The following ATP2C2 variants were observed in gnomAD, a reference collection of about 807,000 sequenced individuals.
ATP2C2 encodes calcium-transporting ATPase type 2C member 2.
In ATP2C2, 171 loss-of-function variants were observed where a neutral mutation model predicts 110.8. That is an observed-to-expected ratio of 1.54 (90% CI 1.36 to 1.75). The LOEUF (loss-of-function observed/expected upper bound fraction) is 1.75. Ranked by LOEUF, ATP2C2 falls within the 40% of genes most tolerant of loss-of-function variation. The pLI is 0.00. For synonymous variants in ATP2C2, 804 were observed against 508.4 expected, an observed-to-expected ratio of 1.58 and a Z score of -7.82; for missense variants, 1,963 against 1,235.0, an observed-to-expected ratio of 1.59 and a Z score of -8.84.
chr16:84,439,747 T>C (rs1909075259), intron 13 of ATP2C2, among the ~76,000 whole-genome samples: 1 of 152,244 alleles, frequency 6.6e-6, no homozygotes. Context: ...AGTTACTTAT[T>C]AATTATAAGC....
In ATP2C2 at chr16:84,423,252, T is replaced by C; in HGVS notation, c.908T>C (p.Phe303Ser). ...RLGKQLTLFS[F>S]GIIGLIMLIG... ...GGAAAGCAACTGACACTCTTCTCCT[T>C]TGGCATAATCGGTGAGTGAAGCAGT... is the stretch of plus-strand genomic sequence containing the variant. The change falls in exon 10 of 27, where the codon TTT becomes TCT. Residue 303 changes from phenylalanine (F) to serine (S), a missense_variant. By Grantham distance (155) the Phe-to-Ser change is radical. Coordinates refer to ENST00000262429, the MANE Select transcript of ATP2C2 (RefSeq NM_014861.4). 1.2e-6 allele frequency: 2 copies of C among 1,614,030 alleles called. No homozygotes were observed. Among genetic ancestry groups the C allele is most frequent in the Non-Finnish European group, 1.7e-6 (2 of 1,179,892 alleles).
intron 10 of ATP2C2, among the ~76,000 whole-genome samples, 188 bp from the exon 11 acceptor site, chr16:84,425,547 G>T (rs964945241): frequency 6.6e-6 from 1 of 152,116 alleles, no homozygotes; most frequent in Non-Finnish European, 1.5e-5. Context: ...AAGTAAAATC[G>T]GGTTTTTGTA....
chr16:84,430,138 G>A (rs574761078), intron 11 of ATP2C2, among the ~76,000 whole-genome samples: 17 of 152,170 alleles, frequency 1.1e-4, no homozygotes, highest in Admixed American at 2.0e-4. Context: ...TCACATTCAC[G>A]TGTACCAGGA....
chr16:84,412,559 T>C (rs62050868), intron 6 of ATP2C2, among the ~76,000 whole-genome samples: 2 of 42,066 alleles, frequency 4.8e-5, no homozygotes, highest in East Asian at 4.6e-4. Flanking sequence ...TGTGTGTGTG[T>C]GTGTGTGTGT....
At chr16:84,441,094 A>C in intron 14 of ATP2C2, 136 bp downstream of exon 14, 1 of 756,206 alleles carries the variant, frequency 1.3e-6, no homozygotes, top group South Asian at 1.7e-5. Context: ...AGGCTGGCAC[A>C]GCACTGAAAA....
At chr16:84,375,212 G>A (rs1264292738) in intron 1 of ATP2C2, among the ~76,000 whole-genome samples, 2 of 152,248 alleles carry the variant, frequency 1.3e-5, no homozygotes, top group Non-Finnish European at 2.9e-5. Flanking sequence ...TAATGACACA[G>A]TGGACGGCTA....
intron 20 of ATP2C2, 140 bp downstream of exon 20, chr16:84,453,511 C>G: frequency 8.7e-7 from 1 of 1,154,154 alleles, no homozygotes. Flanking sequence ...GCAGCTGCCC[C>G]GGGAGTTACC....
intron 7 of ATP2C2, among the ~76,000 whole-genome samples, chr16:84,419,290 T>G (rs1172171722): frequency 1.4e-5 from 2 of 147,164 alleles, no homozygotes; most frequent in Non-Finnish European, 3.0e-5. Flanking sequence ...AGCTGTTTCC[T>G]GGCCTTTCCC....
intron 16 of ATP2C2, among the ~76,000 whole-genome samples, chr16:84,447,607 G>A (rs1043366690): frequency 2.8e-5 from 4 of 142,716 alleles, no homozygotes; most frequent in Non-Finnish European, 4.5e-5. Flanking sequence ...TTAGATGTCT[G>A]TGTTGGTTAA....
chr16:84,408,192 G>C (rs557331133), intron 3 of ATP2C2, among the ~76,000 whole-genome samples: 4 of 152,318 alleles, frequency 2.6e-5, no homozygotes, highest in South Asian at 2.1e-4. Flanking sequence ...CAGGGGGTCA[G>C]TACTGGGACC....
chr16:84,451,988 C>A lies in ATP2C2; in HGVS notation c.1728C>A (p.Asp576Glu), dbSNP rs770260887. ...TTCTCGGTCTTGTGGGCATCATTGA[C>A]CCCCCGAGAGTTGGCGTGAAGGAAG... ...LTFLGLVGII[D>E]PPRVGVKEAV... The change falls in exon 18 of 27, where the codon GAC (aspartate) becomes GAA (glutamate). Residue 576 changes from aspartate to glutamate, a missense_variant. Coordinates refer to ENST00000262429, the MANE Select transcript of ATP2C2 (RefSeq NM_014861.4). 2 of 1,610,494 alleles carry A rather than the reference C, an allele frequency of 1.2e-6. No homozygotes were observed. Among genetic ancestry groups the A allele is most frequent in the African/African-American group, 1.3e-5 (1 of 74,730 alleles).
In ATP2C2 at chr16:84,461,495, C is replaced by T. The variant is rs114887529; in HGVS notation, c.2482-219C>T. 3,149 of 611,590 alleles carry T rather than the reference C, an allele frequency of 5.1e-3. 82 individuals carry two copies. The African/African-American group carries it at 0.053, about 10-fold the overall frequency. 37.9% of individuals were successfully genotyped at this position (611,590 alleles called of 1,614,324 possible). A position where few individuals can be genotyped will look rare whatever the true frequency, so the allele number is the denominator to read the frequency against. ...GTTTCCTCCACCCATAGGTGCCCTG[C>T]CCCCATCCTCATGGTGGCAGCAAAT... On this transcript the variant is annotated intron_variant, in intron 24 of 26. Coordinates refer to ENST00000262429, the MANE Select transcript of ATP2C2 (RefSeq NM_014861.4).
At chr16:84,386,030 T>C (rs1054709650) in intron 1 of ATP2C2, among the ~76,000 whole-genome samples, 1 of 152,240 alleles carries the variant, frequency 6.6e-6, no homozygotes, top group African/African-American at 2.4e-5. Flanking sequence ...GTGACTGCCA[T>C]GCCCTCTTGA....
chr16:84,368,779 C>G, intron 1 of ATP2C2, 65 bp downstream of exon 1: 1 of 1,331,246 alleles, frequency 7.5e-7, no homozygotes, highest in Non-Finnish European at 1.0e-6. Context: ...TCGTAACCGT[C>G]CCCGGCCCGA....
At chr16:84,429,111 T>C (rs1486111414) in intron 11 of ATP2C2, among the ~76,000 whole-genome samples, 1 of 151,114 alleles carries the variant, frequency 6.6e-6, no homozygotes, top group Admixed American at 6.6e-5. Flanking sequence ...TGGCTTAATA[T>C]CCTGAACAGA....
In ATP2C2 at chr16:84,462,150, C is replaced by G. The variant is rs199845472; in HGVS notation, c.2722+21C>G. ...GCTTGGTGAGTGGTGGGGACGGGAA[C>G]GACAGGTGACCTCGACCAGGGCCAT... On this transcript the variant is annotated intron_variant, in intron 26 of 26. Transcript: ENST00000262429. 10 of 1,605,012 alleles carry G rather than the reference C, an allele frequency of 6.2e-6. No homozygotes were observed. The Admixed American group carries it at 6.7e-5, about 11-fold the overall frequency.
At chr16:84,462,516 A>C (rs1911482441) in intron 26 of ATP2C2, 1 of 177,222 alleles carries the variant, frequency 5.6e-6, no homozygotes, top group Non-Finnish European at 1.2e-5. Context: ...TGTGACTTAG[A>C]GATCTGGTCA....
At chr16:84,376,624 G>C (rs1382308457) in intron 1 of ATP2C2, among the ~76,000 whole-genome samples, 1 of 152,018 alleles carries the variant, frequency 6.6e-6, no homozygotes, top group Admixed American at 6.6e-5. Flanking sequence ...ATGTGGCCCA[G>C]GGAAGCCAAA....
chr16:84,447,061 T>C (rs1285291140), intron 16 of ATP2C2, among the ~76,000 whole-genome samples: 1 of 152,208 alleles, frequency 6.6e-6, no homozygotes, highest in African/African-American at 2.4e-5. Flanking sequence ...AATTTTCTTT[T>C]CAGATTTGTT....
Sources: gnomAD v4.1 joint callset for allele counts (sites outside exome capture counted in the v4.1 genomes callset) on GRCh38, gnomAD v4.1.1 for gene constraint, MANE v1.5 for transcripts, NCBI Gene and HGNC (gene_info 2026-07-23, HGNC 2026-07-21) for gene names.